The following SPAST variants were observed in gnomAD, a reference collection of about 807,000 sequenced individuals.
The protein encoded by SPAST is spastic paraplegia 4 (autosomal dominant; spastin).
SPAST carries 30 observed loss-of-function variants against 76.6 expected under a neutral mutation model. The ratio of observed to expected loss-of-function variants is 0.39; its 90% CI spans 0.29 to 0.53. The LOEUF (loss-of-function observed/expected upper bound fraction) is 0.53. Ranked by LOEUF, SPAST falls within the 20% of genes least tolerant of loss-of-function variation. The probability of loss-of-function intolerance (pLI) is 0.68; values close to 1 mark genes in which losing one functional copy is unlikely to be tolerated. For missense variants in SPAST, 717 were observed against 770.5 expected, an observed-to-expected ratio of 0.93 and a Z score of 0.82; for synonymous variants, 305 against 281.0, an observed-to-expected ratio of 1.09 and a Z score of -0.86.
chr2:32,142,022 C>G (rs1469999896), intron 13 of SPAST, 76 bp downstream of exon 13: 3 of 1,111,248 alleles, frequency 2.7e-6, no homozygotes, highest in Non-Finnish European at 4.1e-6. Context: ...TTAAGTCTTC[C>G]AATCCATGGT....
rs765696074 is a variant in SPAST, at chr2:32,098,786, T to G, written c.587-10T>G. ...TATTTTTTCTGTTTTTTACCTTCTC[T>G]GTTGCATAGAGAAGATGCAACCAGT... On this transcript the variant is annotated splice_polypyrimidine_tract_variant and intron_variant, in intron 3 of 16. Transcript: ENST00000315285. 1 of 1,570,778 alleles carries G rather than the reference T, an allele frequency of 6.4e-7. No homozygotes were observed. The highest frequency in any genetic ancestry group is 1.1e-5 in the South Asian group (1 of 90,240).
rs564562256 is a variant in SPAST, at chr2:32,104,214, C to A, written c.682+5323C>A. ...CCCTTTAGCATTATATGATGGCCTTCTTTGTCTCTTTTGATCTTTGTTGGT... is the reference window on the plus strand; with the variant it reads ...CCCTTTAGCATTATATGATGGCCTTATTTGTCTCTTTTGATCTTTGTTGGT... On this transcript the variant is annotated intron_variant, in intron 4 of 16. Transcript: ENST00000315285. 3.3e-5 allele frequency among the ~76,000 whole-genome samples: 5 copies of A among 152,286 alleles called. No homozygotes were observed. In the East Asian group the frequency reaches 9.6e-4, roughly 29 times the overall value.
rs184766209 is a variant in SPAST, at chr2:32,140,094, C to A, written c.1494-1810C>A. 4.2e-3 allele frequency among the ~76,000 whole-genome samples: 637 copies of A among 152,094 alleles called. 9 individuals are homozygous for A. Among genetic ancestry groups the A allele is most frequent in the African/African-American group, 0.015 (627 of 41,500 alleles). ...ACATAAATTATGTGTTATGTTGCGT[C>A]CTTTTGTTTTCCCTATCTGTAATTT... On this transcript the variant is annotated intron_variant, in intron 12 of 16. Transcript: ENST00000315285.
At chr2:32,098,431 C>T (rs1678000857) in intron 3 of SPAST, among the ~76,000 whole-genome samples, 1 of 152,204 alleles carries the variant, frequency 6.6e-6, no homozygotes, top group Admixed American at 6.5e-5. Context: ...CACTGTACTT[C>T]AGCCTGGGTG....
intron 1 of SPAST, among the ~76,000 whole-genome samples, chr2:32,066,954 A>C (rs1449178782): frequency 1.4e-5 from 2 of 138,124 alleles, no homozygotes; most frequent in African/African-American, 2.7e-5. Flanking sequence ...GAACTGGGTG[A>C]CAGGAGTAAA....
In SPAST at chr2:32,150,834, G is replaced by A. The variant is rs1197782398; in HGVS notation, c.1729-3540G>A. ...TTAGATGGTAAAACTAAAAATTAAA[G>A]CTTAATAAAACTACTGAGTGATTTA... is the stretch of plus-strand genomic sequence containing the variant. On this transcript the variant is annotated intron_variant, in intron 16 of 16. Transcript: ENST00000315285. Among the ~76,000 whole-genome samples, 4 of 152,112 alleles carry A rather than the reference G, an allele frequency of 2.6e-5. No homozygotes were observed. In the East Asian group the frequency reaches 7.7e-4, roughly 29 times the overall value.
At chr2:32,105,841 C>T (rs1015271999) in intron 4 of SPAST, among the ~76,000 whole-genome samples, 1 of 152,134 alleles carries the variant, frequency 6.6e-6, no homozygotes, top group Non-Finnish European at 1.5e-5. Context: ...GACAGGGGTA[C>T]CCAGGTATAT....
intron 3 of SPAST, 85 bp downstream of exon 3, chr2:32,089,690 G>A: frequency 1.3e-6 from 1 of 789,728 alleles, no homozygotes; most frequent in East Asian, 2.6e-5. Flanking sequence ...AAATAGATCA[G>A]TGATTGAAAA....
At chr2:32,094,584 G>T (rs984945782) in intron 3 of SPAST, among the ~76,000 whole-genome samples, 1 of 152,208 alleles carries the variant, frequency 6.6e-6, no homozygotes, top group African/African-American at 2.4e-5. Context: ...GAACTCATGC[G>T]GAGAGGGATT....
chr2:32,094,114 A>G (rs370317868), intron 3 of SPAST, among the ~76,000 whole-genome samples: 199 of 152,270 alleles, frequency 1.3e-3, no homozygotes, highest in African/African-American at 2.3e-3. Flanking sequence ...ATAAACAAAT[A>G]TGTTACTATT....
intron 1 of SPAST, chr2:32,077,854 C>G (rs138554933): frequency 4.6e-5 from 7 of 152,282 alleles, no homozygotes; most frequent in Non-Finnish European, 7.3e-5. Context: ...TAATGCAGTC[C>G]AGGTGCAGTG....
rs576010783 is a variant in SPAST at position 32,107,848 on chromosome 2, C to T, written c.683-6790C>T. On this transcript the variant is annotated intron_variant, in intron 4 of 16. Coordinates refer to ENST00000315285, the MANE Select transcript of SPAST (RefSeq NM_014946.4). ...GTGAGTCCAAGTAGATCACTCAGAC[C>T]TATTAGTAGTTTATTAGTGTCACTC... Among the ~76,000 whole-genome samples the T allele has an allele frequency of 1.9e-4, 29 of 152,148 alleles. No individual in the cohort carries two copies. In the South Asian group the frequency reaches 5.4e-3, roughly 28 times the overall value.
chr2:32,063,745 C>G lies in SPAST; in HGVS notation c.-87C>G. ...GCGGGCACACGGGGGTCTGTGGCCC[C>G]CGCCGTAGCAGTGGCTGCCGCCGTC... On this transcript the variant is annotated 5_prime_UTR_variant, in exon 1 of 17. Transcript: ENST00000315285. 1 of 1,507,310 alleles carries G rather than the reference C, an allele frequency of 6.6e-7. No individual in the cohort carries two copies. Among genetic ancestry groups the G allele is most frequent in the Non-Finnish European group, 8.8e-7 (1 of 1,130,974 alleles). 93.4% of individuals were successfully genotyped at this position (1,507,310 alleles called of 1,614,324 possible).
intron 14 of SPAST, among the ~76,000 whole-genome samples, chr2:32,144,106 ATAAAG>A (rs1167163636): frequency 1.3e-5 from 2 of 152,222 alleles, no homozygotes; most frequent in East Asian, 1.9e-4. Context: ...ATAAAGTAAT[ATAAAG>A]TATTCAATGA....
Position 32,156,273 on chromosome 2 carries a change from G to A in SPAST, c.*1777G>A, listed in dbSNP as rs886055976. 1.1e-4 allele frequency: 17 copies of A among 152,152 alleles called. No individual in the cohort carries two copies. Among genetic ancestry groups the A allele is most frequent in the Non-Finnish European group, 1.2e-4 (8 of 68,056 alleles). The allele number at this position is 152,152 out of a possible 1,614,324, so 9.4% of individuals were successfully genotyped here. A position where few individuals can be genotyped will look rare whatever the true frequency, so the allele number is the denominator to read the frequency against. ...GCTGGTCTTGAACTCCTGACCTCAG[G>A]TGATCCGCCTGCCTCGGCCTCCCAA... On this transcript the variant is annotated 3_prime_UTR_variant, in exon 17 of 17. Transcript: ENST00000315285.
At chr2:32,147,096 T>C in intron 15 of SPAST, 122 bp from the exon 16 acceptor site, 1 of 676,832 alleles carries the variant, frequency 1.5e-6, no homozygotes, top group Admixed American at 2.4e-5. Context: ...GTGTCTCTTT[T>C]TTTTAATATA....
chr2:32,137,042 A>T, intron 11 of SPAST, 67 bp from the exon 12 acceptor site: 3 of 1,553,594 alleles, frequency 1.9e-6, no homozygotes, highest in Non-Finnish European at 2.7e-6. Flanking sequence ...CAAGGTTAAA[A>T]ATACAAATAT....
chr2:32,083,748 TACTATATA>T (rs1558620092), intron 1 of SPAST, among the ~76,000 whole-genome samples: 10 of 57,828 alleles, frequency 1.7e-4, no homozygotes, highest in African/African-American at 5.3e-4. Context: ...TATTTATATA[TACTATATA>T]TATATATATA....
chr2:32,124,576 A>T (rs572511650), intron 7 of SPAST, among the ~76,000 whole-genome samples: 128 of 152,194 alleles, frequency 8.4e-4, no homozygotes, highest in East Asian at 9.6e-4. Context: ...TACATCCAAT[A>T]AAAAAAACTG....
Sources: allele counts gnomAD v4.1 joint callset (sites outside exome capture counted in the v4.1 genomes callset), GRCh38; gene constraint gnomAD v4.1.1; transcripts MANE v1.5; gene names NCBI Gene and HGNC (gene_info 2026-07-23, HGNC 2026-07-21).